Variants in CCDC57 observed in about 807,000 individuals in gnomAD.
CCDC57 encodes the protein coiled-coil domain containing 57.
In CCDC57, 118 loss-of-function variants were observed where a neutral mutation model predicts 118.9. That is an observed-to-expected ratio of 0.99 (90% confidence interval 0.86 to 1.16). CCDC57 has a LOEUF of 1.16. CCDC57 is among the 50% of genes most tolerant of loss of function. CCDC57 has a pLI of 0.00. For missense variants in CCDC57, 1,300 were observed against 1,320.7 expected (o/e 0.98, Z 0.24); for synonymous variants, 527 against 532.9 (o/e 0.99, Z 0.15).
chr17:82,146,037 C>T (rs912801358), intron 16 of CCDC57, among the ~76,000 whole-genome samples: 3 of 152,232 alleles, frequency 2.0e-5, no homozygotes, highest in South Asian at 2.1e-4. Context: ...CTGCGGGATG[C>T]GGCCCCTTCC....
intron 2 of CCDC57, among the ~76,000 whole-genome samples, chr17:82,204,412 T>C (rs1227620187): frequency 2.0e-5 from 3 of 152,210 alleles, no homozygotes; most frequent in Non-Finnish European, 4.4e-5. Flanking sequence ...GCCACCACAG[T>C]GTCTTACCAC....
intron 3 of CCDC57, among the ~76,000 whole-genome samples, chr17:82,199,929 C>T (rs532912801): frequency 2.4e-4 from 36 of 152,296 alleles, no homozygotes; most frequent in Admixed American, 6.5e-4. Flanking sequence ...CCGCGAGATG[C>T]GATAGAGAGA....
At chr17:82,102,960 G>A (rs1423099159) in intron 19 of CCDC57, among the ~76,000 whole-genome samples, 1 of 152,198 alleles carries the variant, frequency 6.6e-6, no homozygotes, top group African/African-American at 2.4e-5. Context: ...CACTGTGGCT[G>A]GGGTGAGGTC....
chr17:82,204,530 T>G (rs927224274), intron 2 of CCDC57, among the ~76,000 whole-genome samples: 1 of 152,286 alleles, frequency 6.6e-6, no homozygotes, highest in Non-Finnish European at 1.5e-5. Flanking sequence ...ATGCCTGTAA[T>G]CCCAGGACTT....
intron 13 of CCDC57, among the ~76,000 whole-genome samples, chr17:82,165,097 A>C (rs1274016859): frequency 6.6e-6 from 1 of 152,214 alleles, no homozygotes; most frequent in African/African-American, 2.4e-5. Context: ...CAAGGCAAGA[A>C]GATGGCTTGA....
At chr17:82,103,369 C>T (rs958136738) in intron 19 of CCDC57, among the ~76,000 whole-genome samples, 2 of 152,118 alleles carry the variant, frequency 1.3e-5, no homozygotes, top group African/African-American at 4.8e-5. Flanking sequence ...TTGTTTCCAA[C>T]CCCCAGAGGA....
intron 13 of CCDC57, among the ~76,000 whole-genome samples, chr17:82,171,246 C>T (rs1402251034): frequency 1.5e-5 from 2 of 132,020 alleles, no homozygotes; most frequent in African/African-American, 5.8e-5. Flanking sequence ...CCGGAGGGAG[C>T]GCGAGGAATT....
chr17:82,104,580 C>T (rs1262412355), intron 19 of CCDC57, among the ~76,000 whole-genome samples: 1 of 152,190 alleles, frequency 6.6e-6, no homozygotes, highest in Non-Finnish European at 1.5e-5. Context: ...ACTCTGTCGC[C>T]CAGGCTGGAG....
chr17:82,112,215 C>T, intron 19 of CCDC57: 1 of 152,426 alleles, frequency 6.6e-6, no homozygotes, highest in South Asian at 2.1e-4. Context: ...CTCAGGTGAT[C>T]TGCCCACCTC....
chr17:82,123,431 G>A (rs953357878), intron 19 of CCDC57, among the ~76,000 whole-genome samples: 2 of 151,412 alleles, frequency 1.3e-5, no homozygotes, highest in Admixed American at 1.3e-4. Context: ...CCGGCCTATA[G>A]CAATTTTCAT....
chr17:82,101,570 T>C, exon 20 of CCDC57: 1 of 930,822 alleles, frequency 1.1e-6, no homozygotes, highest in Non-Finnish European at 1.6e-6. Flanking sequence ...TGCAGCTCCC[T>C]GCCTCCACCC....
chr17:82,188,957 G>A (rs117483388), intron 7 of CCDC57, among the ~76,000 whole-genome samples: 6,676 of 152,278 alleles, frequency 0.044, 228 homozygotes, highest in Non-Finnish European at 0.062. Flanking sequence ...CTGGCAAAAA[G>A]ATTTTACTTT....
At chr17:82,177,764 T>C (rs1430446976) in intron 11 of CCDC57, among the ~76,000 whole-genome samples, 9 of 151,954 alleles carry the variant, frequency 5.9e-5, no homozygotes, top group Non-Finnish European at 1.3e-4. Context: ...GGTGGTCTTG[T>C]TGGGGTGGGG....
chr17:82,160,112 A>T (rs1396164107), intron 14 of CCDC57: 1 of 152,188 alleles, frequency 6.6e-6, no homozygotes, highest in Non-Finnish European at 1.5e-5. Flanking sequence ...TGCGTTAGAG[A>T]AGAAGCAGAG....
At chr17:82,201,467 C>G (rs763626993) in intron 3 of CCDC57, 71 bp downstream of exon 2, 105 of 1,459,376 alleles carry the variant, frequency 7.2e-5, no homozygotes, top group Non-Finnish European at 8.7e-5. Context: ...TCGGGCAGCA[C>G]AGCGGAGCAG....
chr17:82,111,486 C>T (rs2035240869), intron 19 of CCDC57, among the ~76,000 whole-genome samples: 1 of 150,798 alleles, frequency 6.6e-6, no homozygotes, highest in East Asian at 2.0e-4. Context: ...TCAAACGATA[C>T]TCCTGCCCCA....
chr17:82,151,416 C>T (rs1300508360), intron 16 of CCDC57, 144 bp downstream of exon 15: 1 of 348,552 alleles, frequency 2.9e-6, no homozygotes, highest in Non-Finnish European at 3.8e-6. Context: ...GAACCTGGCG[C>T]ACCCCCAGAA....
chr17:82,107,892 A>C (rs534080969), intron 19 of CCDC57, among the ~76,000 whole-genome samples: 3 of 152,246 alleles, frequency 2.0e-5, no homozygotes, highest in African/African-American at 7.2e-5. Flanking sequence ...TTTTCTAAAG[A>C]AAGGGGGTGG....
intron 16 of CCDC57, among the ~76,000 whole-genome samples, chr17:82,150,257 C>A (rs1489082014): frequency 1.4e-5 from 2 of 146,264 alleles, no homozygotes; most frequent in Non-Finnish European, 3.0e-5. Flanking sequence ...ACACTCAGAA[C>A]CTGACCCGCA....
Sources: gnomAD v4.1 joint callset for allele counts (sites outside exome capture counted in the v4.1 genomes callset) on GRCh38, gnomAD v4.1.1 for gene constraint, MANE v1.5 for transcripts, NCBI Gene and HGNC (gene_info 2026-07-23, HGNC 2026-07-21) for gene names.